IQSEC1: variants seen among roughly 807,000 people sequenced by gnomAD.
IQSEC1 encodes IQ motif and SEC7 domain-containing protein 1.
In IQSEC1, 31 loss-of-function variants were observed where a neutral mutation model predicts 91.0. The observed-to-expected ratio is 0.34, with a 90% CI of 0.26 to 0.46. IQSEC1 has a LOEUF of 0.46. IQSEC1 is among the 20% of genes least tolerant of loss of function. The pLI is 1.00. For missense variants in IQSEC1, 1,388 were observed against 1,575.6 expected (o/e 0.88, Z 2.02); for synonymous variants, 699 against 662.6 (o/e 1.05, Z -0.84).
Position 12,994,471 on chromosome 3 carries a change from A to C in IQSEC1, c.24-52606T>G, listed in dbSNP as rs2125641966. Among the ~76,000 whole-genome samples, 1 of 152,092 alleles carries C rather than the reference A, an allele frequency of 6.6e-6. No homozygotes were observed. Among genetic ancestry groups the C allele is most frequent in the African/African-American group, 2.4e-5 (1 of 41,506 alleles). The stretch of plus-strand genomic sequence containing the variant: ...AGCGGATGGGTCAGGAGAGCGGGGT[A>C]CGCGGGGTCCAGGCGCGGAACCGGG... On this transcript the variant is annotated intron_variant, in intron 1 of 13. Transcript: ENST00000613206. This position sits in a 1 kb window ranked among gnomAD's most constrained non-coding sequence, Gnocchi z 4.5.
At chr3:12,993,441 G>C (rs1317663402) in intron 1 of IQSEC1, among the ~76,000 whole-genome samples, 5 of 149,816 alleles carry the variant, frequency 3.3e-5, no homozygotes, top group Non-Finnish European at 5.9e-5. Flanking sequence ...GGATTTCTCC[G>C]CCCGGAGGCA....
chr3:12,960,239 G>C (rs1015004098), intron 1 of IQSEC1: 1 of 152,178 alleles, frequency 6.6e-6, no homozygotes, highest in African/African-American at 2.4e-5. Context: ...GTGGACAGTC[G>C]TCCTGATCCT....
chr3:13,183,431 T>C (rs1183422938), intron 1 of IQSEC1, among the ~76,000 whole-genome samples: 1 of 143,820 alleles, frequency 7.0e-6, no homozygotes, highest in Non-Finnish European at 1.5e-5. Context: ...CTGGGCATGG[T>C]GGTGCAGGCC....
chr3:13,280,617 A>G (rs1046200069), intron 1 of IQSEC1, among the ~76,000 whole-genome samples: 1 of 152,102 alleles, frequency 6.6e-6, no homozygotes, highest in Non-Finnish European at 1.5e-5. Context: ...AAGACTCCCC[A>G]CAGCCTCACT....
In IQSEC1 at chr3:13,282,505, C is replaced by A. The variant is rs368597364; in HGVS notation, c.272+206G>T. The stretch of plus-strand genomic sequence containing the variant: ...CCTTTTCCAGGGAACCCAGTCCCCA[C>A]CCGAGATCGAGCTCCGGATCTGGGC... On this transcript the variant is annotated intron_variant, in intron 1 of 15. Transcript: ENST00000648114. The surrounding 1 kb of genome is among the most constrained non-coding windows in gnomAD (Gnocchi z 6.4). 1.8e-4 allele frequency among the ~76,000 whole-genome samples: 27 copies of A among 152,122 alleles called. 1 individual carries two copies. The South Asian group carries it at 4.6e-3, about 26-fold the overall frequency.
In IQSEC1 at chr3:12,994,285, T is replaced by C. The variant is rs1702131875; in HGVS notation, c.24-52420A>G. 6.6e-6 allele frequency among the ~76,000 whole-genome samples: 1 copy of C among 151,186 alleles called. No individual in the cohort carries two copies. The highest frequency in any genetic ancestry group is 2.1e-4 in the South Asian group (1 of 4,822). ...GCCCCACCGCCCGTGCGCCGTGACC[T>C]TGGCGGGTGGCCTCGCCGCGCCTGG... is the stretch of plus-strand genomic sequence containing the variant. On this transcript the variant is annotated intron_variant, in intron 1 of 13. Transcript: ENST00000613206. The surrounding 1 kb of genome is among the most constrained non-coding windows in gnomAD (Gnocchi z 4.5).
At chr3:13,234,244 G>A (rs996272912) in intron 1 of IQSEC1, among the ~76,000 whole-genome samples, 5 of 151,430 alleles carry the variant, frequency 3.3e-5, no homozygotes, top group Admixed American at 1.3e-4. Flanking sequence ...CTGTGGGTGT[G>A]AGCCCCCGTG....
intron 1 of IQSEC1, among the ~76,000 whole-genome samples, chr3:12,989,268 A>G (rs1401336642): frequency 6.6e-6 from 1 of 152,198 alleles, no homozygotes; most frequent in Non-Finnish European, 1.5e-5. Flanking sequence ...TCTGGCACAT[A>G]GTAGGTGCTC....
intron 1 of IQSEC1, among the ~76,000 whole-genome samples, chr3:13,216,767 G>A (rs1199765575): frequency 2.0e-5 from 3 of 152,192 alleles, no homozygotes; most frequent in East Asian, 1.9e-4. Flanking sequence ...CAGAACACCC[G>A]GATGCACTCT....
intron 1 of IQSEC1, among the ~76,000 whole-genome samples, chr3:13,071,150 T>G (rs1191922215): frequency 2.6e-5 from 2 of 76,126 alleles, no homozygotes; most frequent in South Asian, 6.7e-4. Context: ...ACAGTTTTTT[T>G]TTGTTTTTTT....
At chr3:13,212,277 A>G (rs1292634056) in intron 1 of IQSEC1, among the ~76,000 whole-genome samples, 2 of 152,226 alleles carry the variant, frequency 1.3e-5, no homozygotes, top group Non-Finnish European at 2.9e-5. Flanking sequence ...ATGGAATTGT[A>G]TAATATGTGG....
chr3:13,216,753 T>C (rs1370769852), intron 1 of IQSEC1, among the ~76,000 whole-genome samples: 2 of 152,188 alleles, frequency 1.3e-5, no homozygotes, highest in African/African-American at 4.8e-5. Flanking sequence ...GACAGACAGA[T>C]GGACAGAACA....
chr3:12,920,820 A>G (rs1166786960), intron 5 of IQSEC1, among the ~76,000 whole-genome samples: 1 of 152,176 alleles, frequency 6.6e-6, no homozygotes, highest in East Asian at 1.9e-4. Context: ...CGTCCTGGGG[A>G]GGACTACATT....
chr3:12,999,933 C>T (rs1331729580), intron 1 of IQSEC1, among the ~76,000 whole-genome samples: 2 of 152,204 alleles, frequency 1.3e-5, no homozygotes, highest in Non-Finnish European at 2.9e-5. Flanking sequence ...TCTGTAGCTC[C>T]TATGTCCTGT....
intron 1 of IQSEC1, among the ~76,000 whole-genome samples, chr3:13,050,830 C>A (rs1704664845): frequency 6.6e-6 from 1 of 152,082 alleles, no homozygotes; most frequent in Non-Finnish European, 1.5e-5. Flanking sequence ...ATTCAATATA[C>A]CTTATATTGT....
At chr3:13,102,599 G>A (rs535671843) in intron 2 of IQSEC1, among the ~76,000 whole-genome samples, 34 of 152,310 alleles carry the variant, frequency 2.2e-4, no homozygotes, top group African/African-American at 6.3e-4. Context: ...GTCCTTCCCC[G>A]GTCGGGTGGG....
At chr3:13,230,905 G>A (rs1694829389) in intron 1 of IQSEC1, among the ~76,000 whole-genome samples, 2 of 152,230 alleles carry the variant, frequency 1.3e-5, no homozygotes, top group African/African-American at 4.8e-5. Flanking sequence ...CTTGCAGACT[G>A]ATGTGGATTG....
chr3:13,202,812 A>G (rs1415990622), intron 1 of IQSEC1, among the ~76,000 whole-genome samples: 1 of 152,248 alleles, frequency 6.6e-6, no homozygotes, highest in Non-Finnish European at 1.5e-5. Flanking sequence ...CACGATAAAA[A>G]AAGCCTGTGC....
At chr3:13,230,888 TA>T (rs1694829278) in intron 1 of IQSEC1, among the ~76,000 whole-genome samples, 1 of 152,204 alleles carries the variant, frequency 6.6e-6, no homozygotes, top group Non-Finnish European at 1.5e-5. Flanking sequence ...ACAAAATGAA[TA>T]TTTTCCTTGC....
Sources: gnomAD v4.1 joint callset for allele counts (sites outside exome capture counted in the v4.1 genomes callset) on GRCh38, gnomAD v4.1.1 for gene constraint, Gnocchi (gnomAD v3.1) non-coding constraint, MANE v1.5 for transcripts, NCBI Gene and HGNC (gene_info 2026-07-23, HGNC 2026-07-21) for gene names.